Variants in CCDC171 observed in about 807,000 individuals in gnomAD.
CCDC171 encodes the protein coiled-coil domain containing 171.
Under a neutral mutation model 168.2 loss-of-function variants are expected in CCDC171, and 177 were observed. The ratio of observed to expected loss-of-function variants is 1.05; its 90% CI spans 0.93 to 1.19. CCDC171 has a LOEUF of 1.19. CCDC171 is among the 50% of genes most tolerant of loss of function. The probability of loss-of-function intolerance (pLI) is 0.00; values close to 1 mark genes in which losing one functional copy is unlikely to be tolerated. For synonymous variants in CCDC171, 687 were observed against 540.8 expected (o/e 1.27, Z -3.75); for missense variants, 1,991 against 1,539.0 (o/e 1.29, Z -4.91).
chr9:15,985,773 C>A (rs1259168912), intron 3 of CCDC171, among the ~76,000 whole-genome samples: 4 of 152,120 alleles, frequency 2.6e-5, no homozygotes, highest in East Asian at 1.9e-4. Flanking sequence ...AGAGGTAATT[C>A]AGTACTTATT....
chr9:15,814,495 C>T (rs79039474), intron 21 of CCDC171, among the ~76,000 whole-genome samples: 1,747 of 152,196 alleles, frequency 0.011, 58 homozygotes, highest in South Asian at 0.1. Flanking sequence ...CTTGAAATGA[C>T]ATTGCTTATA....
chr9:15,952,941 T>C (rs1829376507), intron 25 of CCDC171, among the ~76,000 whole-genome samples: 1 of 152,216 alleles, frequency 6.6e-6, no homozygotes, highest in African/African-American at 2.4e-5. Context: ...TTTTTGATGC[T>C]ATTTAAATGG....
intron 10 of CCDC171, among the ~76,000 whole-genome samples, chr9:15,680,954 C>T (rs865950787): frequency 1.2e-4 from 19 of 152,196 alleles, no homozygotes; most frequent in African/African-American, 4.3e-4. Flanking sequence ...TTTTCTAGCA[C>T]TTTAGTGAGT....
intron 7 of CCDC171, among the ~76,000 whole-genome samples, chr9:15,636,116 G>A (rs554225692): frequency 6.6e-6 from 1 of 151,964 alleles, no homozygotes; most frequent in Non-Finnish European, 1.5e-5. Flanking sequence ...TAGACCCTTA[G>A]ACCCTTCTCT....
chr9:15,552,897 G>A (rs2038452107), upstream of CCDC171, among the ~76,000 whole-genome samples: 1 of 152,108 alleles, frequency 6.6e-6, no homozygotes, highest in Admixed American at 6.5e-5. Flanking sequence ...GCGCCCGTTC[G>A]TCCCTCAGCG....
At chr9:15,823,168 C>G (rs1306050180) in intron 21 of CCDC171, among the ~76,000 whole-genome samples, 2 of 152,028 alleles carry the variant, frequency 1.3e-5, no homozygotes, top group Admixed American at 1.3e-4. Context: ...GGGAAAATCA[C>G]ACACCGGGTT....
At chr9:15,914,544 A>G (rs1824203788) in intron 24 of CCDC171, among the ~76,000 whole-genome samples, 1 of 152,188 alleles carries the variant, frequency 6.6e-6, no homozygotes, top group Non-Finnish European at 1.5e-5. Flanking sequence ...CTGTGCTGGC[A>G]GCGAGAATTT....
At chr9:15,705,359 A>T (rs2052135608) in intron 11 of CCDC171, among the ~76,000 whole-genome samples, 1 of 152,164 alleles carries the variant, frequency 6.6e-6, no homozygotes, top group Non-Finnish European at 1.5e-5. Context: ...CTTTACTTAG[A>T]AGCCAAAATG....
At chr9:15,682,333 A>T (rs777688306) in intron 10 of CCDC171, among the ~76,000 whole-genome samples, 7 of 152,056 alleles carry the variant, frequency 4.6e-5, no homozygotes, top group Non-Finnish European at 8.8e-5. Context: ...GGAAAGTGAT[A>T]GCTCCCCTGT....
intron 6 of CCDC171, among the ~76,000 whole-genome samples, chr9:15,601,644 A>T (rs997588238): frequency 6.6e-6 from 1 of 152,204 alleles, no homozygotes; most frequent in African/African-American, 2.4e-5. Flanking sequence ...AAAGGGAGAA[A>T]ATATTGTTTG....
chr9:15,721,903 C>T (rs766997328), intron 12 of CCDC171, 28 bp downstream of exon 12: 6 of 1,271,270 alleles, frequency 4.7e-6, no homozygotes, highest in South Asian at 1.7e-5. Context: ...TGGCTCCACA[C>T]ATATAGCCTT....
At chr9:15,900,854 AC>A (rs1821536328) in intron 24 of CCDC171, among the ~76,000 whole-genome samples, 2 of 152,018 alleles carry the variant, frequency 1.3e-5, no homozygotes, top group African/African-American at 4.8e-5. Context: ...GTTTCTGGGG[AC>A]AAACCCAGCT....
chr9:15,697,024 G>C (rs748665487), intron 11 of CCDC171, among the ~76,000 whole-genome samples: 4 of 152,122 alleles, frequency 2.6e-5, no homozygotes, highest in East Asian at 3.8e-4. Flanking sequence ...ATTCTCCTCT[G>C]TTCTGTTTTG....
downstream of CCDC171, among the ~76,000 whole-genome samples, chr9:15,978,488 T>C (rs894867092): frequency 1.6e-4 from 24 of 152,282 alleles, no homozygotes; most frequent in Admixed American, 9.1e-4. Flanking sequence ...GGCTTTTTGC[T>C]CTCTTTAATC....
rs1048423852 is a variant in CCDC171 at position 15,920,120 on chromosome 9, A to G, written c.3601-150A>G. The G allele has an allele frequency of 8.8e-5, 40 of 456,412 alleles. 2 individuals are homozygous for G. The allele number at this position is 456,412 out of a possible 1,614,324, so 28.3% of individuals were successfully genotyped here. On this transcript the variant is annotated intron_variant, in intron 24 of 25. Coordinates refer to ENST00000380701, the MANE Select transcript of CCDC171 (RefSeq NM_173550.4). ...TCTTAAAATAGTCACTGTTCTCAAT[A>G]TAAAATGTTAGGTTTAGCTTTATTA...
intron 3 of CCDC171, among the ~76,000 whole-genome samples, chr9:16,014,917 G>A (rs1390226228): frequency 6.6e-6 from 1 of 152,046 alleles, no homozygotes. Flanking sequence ...ATGAGTATTG[G>A]CTTCAAGTTA....
At chr9:15,769,088 T>G (rs193123622) in intron 18 of CCDC171, among the ~76,000 whole-genome samples, 4 of 152,348 alleles carry the variant, frequency 2.6e-5, no homozygotes, top group Admixed American at 2.6e-4. Context: ...AAATAACGTT[T>G]CCTGGCACTA....
At chr9:16,000,471 C>A (rs1007930936) in intron 3 of CCDC171, among the ~76,000 whole-genome samples, 6 of 152,108 alleles carry the variant, frequency 3.9e-5, no homozygotes, top group Non-Finnish European at 5.9e-5. Context: ...AAATTTTAAT[C>A]ATCTTTAACA....
chr9:15,676,268 G>A (rs567659832), intron 9 of CCDC171, among the ~76,000 whole-genome samples: 136 of 152,152 alleles, frequency 8.9e-4, no homozygotes, highest in African/African-American at 3.0e-3. Context: ...CTATTTAGCC[G>A]TTCGCCTGAC....
Sources: gnomAD v4.1 joint callset for allele counts (sites outside exome capture counted in the v4.1 genomes callset) on GRCh38, gnomAD v4.1.1 for gene constraint, MANE v1.5 for transcripts, NCBI Gene and HGNC (gene_info 2026-07-23, HGNC 2026-07-21) for gene names.